Variants in UBR2 observed in about 807,000 individuals in gnomAD.
The protein encoded by UBR2 is ubiquitin protein ligase E3 component n-recognin 2, also known as E3 ubiquitin-protein ligase UBR2.
A neutral mutation model predicts 247.9 loss-of-function variants in UBR2; 92 were observed. The observed-to-expected ratio is 0.37, with a 90% CI of 0.31 to 0.44. UBR2 has a LOEUF of 0.44. Ranked by LOEUF, UBR2 falls within the 20% of genes least tolerant of loss-of-function variation. The pLI, the probability that UBR2 is intolerant of heterozygous loss-of-function variation, is 1.00. For missense variants in UBR2, 1,613 were observed against 2,112.6 expected (o/e 0.76, Z 4.64); for synonymous variants, 672 against 693.5 (o/e 0.97, Z 0.49).
At chr6:42,680,959 C>G (rs565159312) in intron 42 of UBR2, among the ~76,000 whole-genome samples, 1 of 151,886 alleles carries the variant, frequency 6.6e-6, no homozygotes, top group South Asian at 2.1e-4. Context: ...GTCAGGAGAT[C>G]GAGACCATCC....
chr6:42,580,809 G>A (rs1791837838), intron 2 of UBR2, among the ~76,000 whole-genome samples: 1 of 152,122 alleles, frequency 6.6e-6, no homozygotes, highest in Non-Finnish European at 1.5e-5. Context: ...TCAAAGTGTT[G>A]GGATTACAGG....
At chr6:42,688,537 C>T in intron 45 of UBR2, 151 bp downstream of exon 45, 1 of 872,918 alleles carries the variant, frequency 1.1e-6, no homozygotes. Flanking sequence ...CGCCTCACAT[C>T]TCACATCTGG....
At chr6:42,637,487 A>G (rs989662329) in intron 15 of UBR2, among the ~76,000 whole-genome samples, 12 of 136,132 alleles carry the variant, frequency 8.8e-5, no homozygotes, top group Non-Finnish European at 1.7e-4. Flanking sequence ...CCGTTATACC[A>G]TAGTGCTTCT....
At chr6:42,614,205 ACT>A (rs1491111102) in intron 8 of UBR2, among the ~76,000 whole-genome samples, 7 of 26,610 alleles carry the variant, frequency 2.6e-4, no homozygotes, top group African/African-American at 9.6e-4. Context: ...AAAAAAAAAA[ACT>A]ATATATATAT....
intron 36 of UBR2, among the ~76,000 whole-genome samples, chr6:42,671,531 A>G (rs1437857679): frequency 6.6e-6 from 1 of 152,202 alleles, no homozygotes; most frequent in African/African-American, 2.4e-5. Context: ...TCTGACTTCT[A>G]TGAAATATCT....
chr6:42,619,453 A>ATATATATATATATTTTTTTTTT, intron 11 of UBR2: 1 of 23,716 alleles, frequency 4.2e-5, no homozygotes, highest in East Asian at 1.7e-3. Flanking sequence ...ATATATATAT[A>ATATATATATATATTTTTTTTTT]TTTTTTTTTT....
chr6:42,595,555 G>C (rs1485631643), intron 4 of UBR2, among the ~76,000 whole-genome samples: 2 of 151,966 alleles, frequency 1.3e-5, no homozygotes, highest in African/African-American at 2.4e-5. Context: ...AGACCAGCCT[G>C]GGCAAATGGC....
intron 7 of UBR2, among the ~76,000 whole-genome samples, chr6:42,609,751 C>T (rs1793943293): frequency 6.6e-6 from 1 of 151,482 alleles, no homozygotes; most frequent in Non-Finnish European, 1.5e-5. Context: ...AAAAATTAGC[C>T]AGGCGTGGTG....
chr6:42,644,503 G>A lies in UBR2; in HGVS notation c.2251G>A (p.Glu751Lys). The change falls in exon 20 of 47, where the codon GAA becomes AAA. Residue 751 changes from glutamate (E) to lysine (K), a missense_variant. By Grantham distance (56) the Glu-to-Lys change is moderately conservative. Coordinates refer to ENST00000372901, the MANE Select transcript of UBR2 (RefSeq NM_001363705.2). ...TGTTCAGCAGAACAATACTCTAATA[G>A]AAGAAATGCTATACCTCATTATAAT... ...DVVQQNNTLI[E>K]EMLYLIIMLV... is the part of the protein sequence containing the mutation. 1 of 1,611,604 alleles carries A rather than the reference G, an allele frequency of 6.2e-7. No individual in the cohort carries two copies. Among genetic ancestry groups the A allele is most frequent in the Non-Finnish European group, 8.5e-7 (1 of 1,179,392 alleles).
rs1228045917 is a variant in UBR2, at chr6:42,659,802, T to G, written c.3389T>G (p.Val1130Gly). Residue 1130 changes from valine to glycine, a missense_variant, in exon 30 of 47, where the codon GTT becomes GGT. Around this residue, in one of 3 missense-constraint regions of UBR2, gnomAD observed 1,524 missense variants for 1,967.3 expected, o/e 0.77. Transcript: ENST00000372901. This position sits in a 1 kb window ranked among gnomAD's most constrained non-coding sequence, Gnocchi z 4.3. ...AGGGCAATGGTCTTGGCAGCATTTGTTCAGAGATCAACTGTATTATCAAAA... is the reference window on the plus strand; with the variant it reads ...AGGGCAATGGTCTTGGCAGCATTTGGTCAGAGATCAACTGTATTATCAAAA... ...ESRAMVLAAF[V>G]QRSTVLSKNR... is the part of the protein sequence containing the mutation. 1 of 1,614,192 alleles carries G rather than the reference T, an allele frequency of 6.2e-7. No homozygotes were observed. The highest frequency in any genetic ancestry group is 1.1e-5 in the South Asian group (1 of 91,090).
chr6:42,579,870 C>T (rs1791764048), intron 2 of UBR2, among the ~76,000 whole-genome samples: 1 of 152,130 alleles, frequency 6.6e-6, no homozygotes, highest in South Asian at 2.1e-4. Flanking sequence ...TGAAATTATA[C>T]TATGTGTATT....
intron 3 of UBR2, 46 bp from the exon 4 acceptor site, chr6:42,594,134 ATCTGATAGCCC>A (rs1202067645): frequency 1.1e-4 from 138 of 1,308,664 alleles, no homozygotes; most frequent in Non-Finnish European, 1.4e-4. Context: ...CTTATTTATT[ATCTGATAGCCC>A]TCAGTAAATA....
intron 38 of UBR2, among the ~76,000 whole-genome samples, chr6:42,675,534 C>T (rs904376672): frequency 6.6e-6 from 1 of 152,136 alleles, no homozygotes; most frequent in Non-Finnish European, 1.5e-5. Flanking sequence ...ATCATAGTGC[C>T]CATCAAGAGT....
intron 11 of UBR2, among the ~76,000 whole-genome samples, chr6:42,625,686 G>A (rs1795296053): frequency 6.6e-6 from 1 of 152,134 alleles, no homozygotes; most frequent in Non-Finnish European, 1.5e-5. Flanking sequence ...CTGGCCTCAT[G>A]TGATCTGCCT....
intron 8 of UBR2, among the ~76,000 whole-genome samples, chr6:42,614,428 A>ATATACG (rs1794398596): frequency 7.0e-6 from 1 of 143,768 alleles, no homozygotes; most frequent in Non-Finnish European, 1.5e-5. Context: ...ACGTACATAT[A>ATATACG]TATGTATGTA....
intron 1 of UBR2, among the ~76,000 whole-genome samples, chr6:42,571,297 G>T: frequency 7.0e-6 from 1 of 142,982 alleles, no homozygotes; most frequent in Middle Eastern, 3.6e-3. Flanking sequence ...TTTCATTCTT[G>T]TATTAAAATT....
intron 15 of UBR2, 107 bp downstream of exon 15, chr6:42,637,301 C>G: frequency 8.2e-7 from 1 of 1,221,366 alleles, no homozygotes. Flanking sequence ...TCTGTGATTT[C>G]TACATCATTA....
chr6:42,588,783 G>A (rs563416083), intron 2 of UBR2, among the ~76,000 whole-genome samples: 10 of 152,232 alleles, frequency 6.6e-5, no homozygotes, highest in Admixed American at 2.0e-4. Context: ...CCTCTTGGTC[G>A]TGGTCTTTCT....
At chr6:42,612,420 T>G in intron 8 of UBR2, 129 bp downstream of exon 8, 7 of 1,155,294 alleles carry the variant, frequency 6.1e-6, no homozygotes, top group Non-Finnish European at 8.1e-6. Context: ...AAATACCATT[T>G]CAAAATATCT....
Sources: allele counts gnomAD v4.1 joint callset (sites outside exome capture counted in the v4.1 genomes callset), GRCh38; gene constraint gnomAD v4.1.1; regional missense constraint gnomAD v4.1.1; non-coding constraint Gnocchi (gnomAD v3.1); transcripts MANE v1.5; gene names NCBI Gene and HGNC (gene_info 2026-07-23, HGNC 2026-07-21).